MORC3: variants seen among roughly 807,000 people sequenced by gnomAD.
MORC3 encodes MORC family CW-type zinc finger protein 3.
MORC3 carries 31 observed loss-of-function variants against 109.1 expected under a neutral mutation model. The ratio of observed to expected loss-of-function variants is 0.28; its 90% CI spans 0.21 to 0.38. MORC3 has a LOEUF of 0.38. MORC3 is among the 10% of genes least tolerant of loss of function. The pLI is 1.00. For missense variants in MORC3, 867 were observed against 1,135.8 expected, an observed-to-expected ratio of 0.76 and a Z score of 3.40; for synonymous variants, 395 against 380.7, an observed-to-expected ratio of 1.04 and a Z score of -0.44.
chr21:36,338,945 C>T, intron 5 of MORC3, 24 bp downstream of exon 5: 1 of 1,610,520 alleles, frequency 6.2e-7, no homozygotes, highest in Non-Finnish European at 8.5e-7. Flanking sequence ...TAGATGTTGA[C>T]CGTTTGGGAA....
At chr21:36,351,312 C>T (rs542317213) in intron 9 of MORC3, among the ~76,000 whole-genome samples, 3 of 152,120 alleles carry the variant, frequency 2.0e-5, no homozygotes, top group East Asian at 1.9e-4. Context: ...GTGATCCACC[C>T]GCCTTGGCCT....
chr21:36,352,450 A>T (rs1361548058), intron 9 of MORC3, among the ~76,000 whole-genome samples: 2 of 152,244 alleles, frequency 1.3e-5, no homozygotes, highest in East Asian at 3.9e-4. Context: ...CAGGTTGAGT[A>T]TCCTTATCTG....
intron 1 of MORC3, among the ~76,000 whole-genome samples, chr21:36,322,516 C>G (rs1009241789): frequency 2.0e-5 from 3 of 152,020 alleles, no homozygotes; most frequent in Non-Finnish European, 4.4e-5. Flanking sequence ...GGTTTACACG[C>G]GTGGGCCACC....
chr21:36,373,699 C>CA (rs961902139), intron 16 of MORC3, among the ~76,000 whole-genome samples: 1 of 151,772 alleles, frequency 6.6e-6, no homozygotes, highest in African/African-American at 2.4e-5. Context: ...TAAAAGCTCA[C>CA]AAAAAAACAT....
chr21:36,346,485 G>C (rs2085509024), intron 8 of MORC3, among the ~76,000 whole-genome samples: 1 of 151,802 alleles, frequency 6.6e-6, no homozygotes, highest in Non-Finnish European at 1.5e-5. Context: ...TGAGGCCAGT[G>C]CTTCAAGACC....
chr21:36,368,404 C>G (rs953373782), intron 14 of MORC3, among the ~76,000 whole-genome samples: 2 of 152,092 alleles, frequency 1.3e-5, no homozygotes, highest in African/African-American at 4.8e-5. Flanking sequence ...ATTGAAATGC[C>G]TGGAGGTGAT....
intron 14 of MORC3, 33 bp from the exon 15 acceptor site, chr21:36,368,955 A>C (rs377673885): frequency 2.0e-6 from 3 of 1,494,288 alleles, no homozygotes; most frequent in African/African-American, 1.4e-5. Flanking sequence ...CATATTTTAT[A>C]ATCTTATGTT....
intron 8 of MORC3, among the ~76,000 whole-genome samples, chr21:36,346,547 CCTG>C (rs2085509584): frequency 6.6e-6 from 1 of 151,944 alleles, no homozygotes; most frequent in Non-Finnish European, 1.5e-5. Flanking sequence ...GTGCCTTACA[CCTG>C]TAATCCCAGC....
intron 8 of MORC3, chr21:36,348,379 C>T (rs1186629033): frequency 1.3e-5 from 2 of 152,150 alleles, no homozygotes; most frequent in Non-Finnish European, 2.9e-5. Context: ...GAAATTGTAT[C>T]CTAGTAGAGG....
intron 9 of MORC3, among the ~76,000 whole-genome samples, chr21:36,349,651 TTAAAA>T (rs1427161374): frequency 6.6e-6 from 1 of 152,252 alleles, no homozygotes; most frequent in Non-Finnish European, 1.5e-5. Flanking sequence ...AATTTTGTAA[TTAAAA>T]TAAAAATCCA....
At chr21:36,367,657 GA>G (rs34248383) in intron 14 of MORC3, among the ~76,000 whole-genome samples, 1 of 152,182 alleles carries the variant, frequency 6.6e-6, no homozygotes, top group Non-Finnish European at 1.5e-5. Flanking sequence ...AATCATACCA[GA>G]AAAACTGCAT....
rs578239440 is a variant in MORC3 at position 36,323,511 on chromosome 21, A to G, written c.39+3208A>G. ...TGGTGGAGAATATCCACCACTAACAATAACACCACTTCCAGAAACAGGTGT... is the reference window on the plus strand; with the variant it reads ...TGGTGGAGAATATCCACCACTAACAGTAACACCACTTCCAGAAACAGGTGT... On this transcript the variant is annotated intron_variant, in intron 1 of 16. Coordinates refer to ENST00000400485, the MANE Select transcript of MORC3 (RefSeq NM_015358.3). Among the ~76,000 whole-genome samples the G allele has an allele frequency of 4.6e-5, 7 of 152,338 alleles. 1 individual carries two copies. In the South Asian group the frequency reaches 1.4e-3, roughly 32 times the overall value.
At chr21:36,341,877 T>G (rs1310869443) in intron 6 of MORC3, among the ~76,000 whole-genome samples, 1 of 152,206 alleles carries the variant, frequency 6.6e-6, no homozygotes, top group African/African-American at 2.4e-5. Flanking sequence ...AATATATTAG[T>G]CAGTATATGG....
chr21:36,333,946 C>G (rs1207256963), intron 2 of MORC3, among the ~76,000 whole-genome samples: 1 of 151,930 alleles, frequency 6.6e-6, no homozygotes, highest in Non-Finnish European at 1.5e-5. Context: ...CCACGACCAG[C>G]TAATTTTTTT....
At chr21:36,324,089 G>A (rs2085222094) in intron 1 of MORC3, among the ~76,000 whole-genome samples, 1 of 152,018 alleles carries the variant, frequency 6.6e-6, no homozygotes, top group African/African-American at 2.4e-5. Context: ...TGGTCAGGCT[G>A]GTCTTGAACT....
chr21:36,358,000 C>T (rs956066445), intron 10 of MORC3, among the ~76,000 whole-genome samples: 1 of 151,902 alleles, frequency 6.6e-6, no homozygotes, highest in African/African-American at 2.4e-5. Flanking sequence ...CTTGGCCTCC[C>T]AAAGTGCTGG....
chr21:36,368,883 CAAAA>C (rs901857873), intron 14 of MORC3, 101 bp from the exon 15 acceptor site: 2 of 1,189,482 alleles, frequency 1.7e-6, no homozygotes, highest in Non-Finnish European at 2.3e-6. Flanking sequence ...TCTCAAAAAA[CAAAA>C]AAACTGTTAC....
At chr21:36,345,123 A>G (rs2085493107) in intron 8 of MORC3, 92 bp downstream of exon 8, 3 of 1,308,928 alleles carry the variant, frequency 2.3e-6, no homozygotes, top group South Asian at 1.5e-5. Flanking sequence ...AAATAATTTT[A>G]TTGTACCTTT....
chr21:36,360,470 A>C (rs1438586967), intron 12 of MORC3, among the ~76,000 whole-genome samples: 7 of 152,132 alleles, frequency 4.6e-5, no homozygotes, highest in Admixed American at 3.9e-4. Flanking sequence ...ATATGTGCGG[A>C]TGTTTTGTGT....
Sources: allele counts gnomAD v4.1 joint callset (sites outside exome capture counted in the v4.1 genomes callset), GRCh38; gene constraint gnomAD v4.1.1; transcripts MANE v1.5; gene names NCBI Gene and HGNC (gene_info 2026-07-23, HGNC 2026-07-21).